Variants in SCN9A observed in about 807,000 individuals in gnomAD.
SCN9A encodes the protein sodium channel protein type 9 subunit alpha.
A neutral mutation model predicts 187.0 loss-of-function variants in SCN9A; 131 were observed. The observed-to-expected ratio is 0.70, with a 90% CI of 0.61 to 0.81. The LOEUF (loss-of-function observed/expected upper bound fraction) is 0.81, where lower values mean the gene tolerates loss of function less well. SCN9A is among the 30% of genes least tolerant of loss of function. The probability of loss-of-function intolerance (pLI) is 0.00; values close to 1 mark genes in which losing one functional copy is unlikely to be tolerated. For missense variants in SCN9A, 2,252 were observed against 2,396.6 expected (o/e 0.94, Z 1.26); for synonymous variants, 809 against 808.6 (o/e 1.00, Z -0.01).
At chr2:166,342,950 G>A (rs1699820449) in intron 1 of SCN9A, among the ~76,000 whole-genome samples, 1 of 152,126 alleles carries the variant, frequency 6.6e-6, no homozygotes, top group Non-Finnish European at 1.5e-5. Flanking sequence ...CTACCTTCAT[G>A]CTGCAAAAAC....
intron 1 of SCN9A, among the ~76,000 whole-genome samples, chr2:166,358,276 G>T (rs1343449038): frequency 6.6e-6 from 1 of 151,706 alleles, no homozygotes; most frequent in African/African-American, 2.4e-5. Context: ...CACCATGTTG[G>T]CCAGGCTGGT....
intron 13 of SCN9A, 93 bp downstream of exon 13, chr2:166,281,586 C>A (rs1250607950): frequency 1.7e-5 from 20 of 1,191,022 alleles, no homozygotes; most frequent in Non-Finnish European, 2.2e-5. Context: ...TCTCTGAATT[C>A]TTCCTAAGAA....
At chr2:166,207,497 G>A (rs1693868362) in intron 24 of SCN9A, among the ~76,000 whole-genome samples, 1 of 151,954 alleles carries the variant, frequency 6.6e-6, no homozygotes, top group African/African-American at 2.4e-5. Context: ...CTGGAGTGCA[G>A]TGCCACCATC....
rs755993147 is a variant in SCN9A at position 166,281,703 on chromosome 2, T to C, written c.2080A>G (p.Ser694Gly). 6.2e-7 allele frequency: 1 copy of C among 1,613,366 alleles called. No individual in the cohort carries two copies. The highest frequency in any genetic ancestry group is 1.7e-5 in the Admixed American group (1 of 60,006). The change falls in exon 13 of 27, where the codon AGC becomes GGC. Residue 694 changes from serine (S) to glycine (G), a missense_variant. Coordinates refer to ENST00000642356, the MANE Select transcript of SCN9A (RefSeq NM_001365536.1). ...CCTTCCACAGTGTTTGTTAATATGC[T>C]TGCTCTACTCATTGCTCTCTGTCTG... is the stretch of plus-strand genomic sequence containing the variant. Reference protein sequence around the residue: ...NLRQRAMSRASILTNTVEELE... With the variant: ...NLRQRAMSRAGILTNTVEELE...
chr2:166,374,050 CAT>C (rs1700626838), intron 1 of SCN9A, among the ~76,000 whole-genome samples: 1 of 152,088 alleles, frequency 6.6e-6, no homozygotes, highest in Admixed American at 6.6e-5. Context: ...GTAGTAAAAA[CAT>C]AGAAGCATTA....
At chr2:166,304,162 C>A (rs769520412) in intron 6 of SCN9A, 76 bp downstream of exon 6, 1 of 1,611,778 alleles carries the variant, frequency 6.2e-7, no homozygotes, top group Admixed American at 1.7e-5. Context: ...ACGACACACA[C>A]ACAAACGAAC....
chr2:166,375,634 G>C (rs950428951), intron 1 of SCN9A, 63 bp downstream of exon 1: 1 of 152,412 alleles, frequency 6.6e-6, no homozygotes, highest in East Asian at 1.9e-4. Context: ...AGGCGAGCAC[G>C]GGCGAAAGAC....
Position 166,196,484 on chromosome 2 carries a change from G to T in SCN9A, c.*2188C>A, listed in dbSNP as rs1163121596. On this transcript the variant is annotated 3_prime_UTR_variant, in exon 27 of 27. Coordinates refer to ENST00000642356, the MANE Select transcript of SCN9A (RefSeq NM_001365536.1). ...TATTTTTTATTTTACATAAAAACAA[G>T]GCAATGTAAAAACATTAATAGAAAA... 6.6e-6 allele frequency: 1 copy of T among 151,984 alleles called. No individual in the cohort carries two copies. Among genetic ancestry groups the T allele is most frequent in the Non-Finnish European group, 1.5e-5 (1 of 67,966 alleles). The allele number at this position is 151,984 out of a possible 1,614,324, so 9.4% of individuals were successfully genotyped here. A position where few individuals can be genotyped will look rare whatever the true frequency, so the allele number is the denominator to read the frequency against.
intron 1 of SCN9A, among the ~76,000 whole-genome samples, chr2:166,357,318 T>C (rs563340232): frequency 6.6e-6 from 1 of 152,242 alleles, no homozygotes; most frequent in Non-Finnish European, 1.5e-5. Context: ...AATAAAATAT[T>C]GCCGAATTCT....
intron 18 of SCN9A, among the ~76,000 whole-genome samples, 155 bp from the exon 19 acceptor site, chr2:166,242,811 G>A (rs959126103): frequency 2.6e-5 from 4 of 152,124 alleles, no homozygotes; most frequent in Non-Finnish European, 4.4e-5. Flanking sequence ...TTTGGATGCT[G>A]CCTTCCTTCA....
chr2:166,258,317 A>T, intron 17 of SCN9A, among the ~76,000 whole-genome samples: 1 of 151,522 alleles, frequency 6.6e-6, no homozygotes, highest in East Asian at 1.9e-4. Context: ...TGTTATTGAT[A>T]GATAGGATTT....
intron 7 of SCN9A, among the ~76,000 whole-genome samples, chr2:166,299,011 T>C (rs1014096145): frequency 6.6e-6 from 1 of 152,190 alleles, no homozygotes; most frequent in Non-Finnish European, 1.5e-5. Flanking sequence ...ATAAAAACCA[T>C]TGGGTTTGAA....
intron 1 of SCN9A, among the ~76,000 whole-genome samples, chr2:166,334,516 A>G (rs1250083359): frequency 6.6e-6 from 1 of 152,104 alleles, no homozygotes. Flanking sequence ...TAACTCAATC[A>G]TAGGGTCTCT....
chr2:166,282,347 T>C (rs1697527793), intron 12 of SCN9A, among the ~76,000 whole-genome samples: 1 of 152,166 alleles, frequency 6.6e-6, no homozygotes, highest in Admixed American at 6.5e-5. Flanking sequence ...GAGCATATGA[T>C]GATAAATGAC....
chr2:166,314,842 G>C (rs566564807), intron 1 of SCN9A, among the ~76,000 whole-genome samples: 1 of 152,286 alleles, frequency 6.6e-6, no homozygotes, highest in African/African-American at 2.4e-5. Flanking sequence ...TGGTTAAAGA[G>C]TATGGGGCTT....
chr2:166,273,775 CTT>C (rs1222859462), intron 16 of SCN9A, among the ~76,000 whole-genome samples: 2 of 152,132 alleles, frequency 1.3e-5, no homozygotes, highest in East Asian at 3.9e-4. Context: ...TGATGTAAGT[CTT>C]TTCATGGCCC....
intron 24 of SCN9A, among the ~76,000 whole-genome samples, chr2:166,217,957 C>T (rs7567947): frequency 0.12 from 17,634 of 151,878 alleles, 1,311 homozygotes; most frequent in African/African-American, 0.21. Flanking sequence ...TTTACAAGAA[C>T]CAAGACATAT....
Position 166,272,665 on chromosome 2 carries a change from C to T in SCN9A, c.3085G>A (p.Asp1029Asn). The change falls in exon 17 of 27, where the codon GAT (aspartate) becomes AAT (asparagine). Residue 1029 changes from aspartate (D) to asparagine (N), a missense_variant. Asp to Asn is a conservative substitution (Grantham distance 23, BLOSUM62 1). Transcript: ENST00000642356. ...KISREIRQAE[D>N]LNTKKENYIS... The stretch of plus-strand genomic sequence containing the variant: ...TAGTTTTCCTTCTTAGTATTCAGAT[C>T]TTCTGCTTGTCTTATCTCCCTGGAA... The T allele has an allele frequency of 6.2e-7, 1 of 1,612,214 alleles. No individual in the cohort carries two copies.
intron 18 of SCN9A, among the ~76,000 whole-genome samples, chr2:166,246,759 A>G (rs1371484662): frequency 6.6e-6 from 1 of 152,074 alleles, no homozygotes; most frequent in African/African-American, 2.4e-5. Context: ...GGGAAACATT[A>G]TTCTTATGAT....
Sources: allele counts gnomAD v4.1 joint callset (sites outside exome capture counted in the v4.1 genomes callset), GRCh38; gene constraint gnomAD v4.1.1; transcripts MANE v1.5; gene names NCBI Gene and HGNC (gene_info 2026-07-23, HGNC 2026-07-21).